Variants in MFHAS1 observed in about 807,000 individuals in gnomAD.
MFHAS1 encodes malignant fibrous histiocytoma-amplified sequence 1.
Under a neutral mutation model 70.4 loss-of-function variants are expected in MFHAS1, and 50 were observed. That is an observed-to-expected ratio of 0.71 (90% CI 0.57 to 0.90). MFHAS1 has a LOEUF of 0.90. MFHAS1 is among the 40% of genes least tolerant of loss of function. MFHAS1 has a pLI of 0.00. For missense variants in MFHAS1, 1,795 were observed against 1,347.6 expected (o/e 1.33, Z -5.20); for synonymous variants, 952 against 620.0 (o/e 1.54, Z -7.96).
At chr8:8,827,918 G>GAAATT (rs1457875899) in intron 1 of MFHAS1, among the ~76,000 whole-genome samples, 5 of 151,664 alleles carry the variant, frequency 3.3e-5, no homozygotes, top group African/African-American at 1.2e-4. Context: ...TTTTTTTTAA[G>GAAATT]AGACTTTCTT....
intron 1 of MFHAS1, among the ~76,000 whole-genome samples, chr8:8,882,352 T>C (rs867345029): frequency 6.6e-6 from 1 of 152,142 alleles, no homozygotes; most frequent in Non-Finnish European, 1.5e-5. Context: ...ATAGTGGCAC[T>C]GCACTCCAGC....
intron 1 of MFHAS1, among the ~76,000 whole-genome samples, chr8:8,809,391 G>C (rs1320842089): frequency 6.6e-6 from 1 of 152,062 alleles, no homozygotes; most frequent in African/African-American, 2.4e-5. Context: ...CCTGCCCTTT[G>C]TTGCTCTACA....
chr8:8,808,786 G>C (rs926317793), intron 1 of MFHAS1, among the ~76,000 whole-genome samples: 1 of 152,152 alleles, frequency 6.6e-6, no homozygotes, highest in African/African-American at 2.4e-5. Context: ...TGGGTTTGGT[G>C]CCATTGGTGG....
rs760634843 is a variant in MFHAS1 at position 8,892,394 on chromosome 8, T to C, written c.665A>G (p.Asp222Gly). 1.2e-5 allele frequency: 20 copies of C among 1,612,518 alleles called. No homozygotes were observed. Among genetic ancestry groups the C allele is most frequent in the Middle Eastern group, 3.3e-4 (2 of 6,084 alleles). ...CTTGAGGGCACGCAGGGCACTGATATCCTCAGGCAGGCCCCGCAGCCGGTT... is the reference window on the plus strand; with the variant it reads ...CTTGAGGGCACGCAGGGCACTGATACCCTCAGGCAGGCCCCGCAGCCGGTT... ...SSNRLRGLPE[D>G]ISALRALKIL... The change falls in exon 1 of 3, where the codon GAT becomes GGT. Residue 222 changes from aspartate (D) to glycine (G), a missense_variant. Physicochemically the swap from Asp to Gly is moderately conservative, Grantham distance 94 (BLOSUM62 -1). Coordinates refer to ENST00000276282, the MANE Select transcript of MFHAS1 (RefSeq NM_004225.3). This position sits in a 1 kb window ranked among gnomAD's most constrained non-coding sequence, Gnocchi z 4.7.
At chr8:8,796,688 C>CA (rs55756300) in intron 2 of MFHAS1, among the ~76,000 whole-genome samples, 7,565 of 24,722 alleles carry the variant, frequency 0.31, 2,140 homozygotes, top group Middle Eastern at 0.43. Context: ...CGTCTCAAAA[C>CA]AAAAAAAAAA....
At position 8,891,768 on chromosome 8, in the gene MFHAS1, C is replaced by T. The variant is rs1473200028; in HGVS notation, c.1291G>A (p.Glu431Lys). ...CCTGGGCATCCCTCCACTCTCTCCTCGGTGAGGCAGTGGCGCAGCAAAGTC... is the reference window on the plus strand; with the variant it reads ...CCTGGGCATCCCTCCACTCTCTCCTTGGTGAGGCAGTGGCGCAGCAAAGTC... ...GKTLLRHCLTEERVEGCPGGG... is the reference protein window; with the variant it reads ...GKTLLRHCLTKERVEGCPGGG... The change falls in exon 1 of 3, where the codon GAG (glutamate) becomes AAG (lysine). Residue 431 changes from glutamate to lysine, a missense_variant. Transcript: ENST00000276282. This position sits in a 1 kb window ranked among gnomAD's most constrained non-coding sequence, Gnocchi z 5.4. 1.2e-6 allele frequency: 2 copies of T among 1,613,250 alleles called. No individual in the cohort carries two copies. Among genetic ancestry groups the T allele is most frequent in the South Asian group, 1.1e-5 (1 of 91,088 alleles).
intron 2 of MFHAS1, among the ~76,000 whole-genome samples, chr8:8,786,629 G>A (rs1232042685): frequency 6.6e-6 from 1 of 151,338 alleles, no homozygotes; most frequent in Non-Finnish European, 1.5e-5. Flanking sequence ...AAAATGGTTA[G>A]AGGAAAAAAT....
chr8:8,807,003 T>C (rs1806314337), intron 1 of MFHAS1, among the ~76,000 whole-genome samples: 1 of 151,786 alleles, frequency 6.6e-6, no homozygotes, highest in Non-Finnish European at 1.5e-5. Flanking sequence ...GAGGCACCAC[T>C]TGAAGCTTCA....
chr8:8,859,891 A>AT (rs1008389656), intron 1 of MFHAS1: 1 of 152,130 alleles, frequency 6.6e-6, no homozygotes, highest in African/African-American at 2.4e-5. Flanking sequence ...GGTCAACTGT[A>AT]TTTTTTACTA....
intron 1 of MFHAS1, among the ~76,000 whole-genome samples, chr8:8,887,859 C>CAAAAAAAAAAAAAAAAAAA (rs11300082): frequency 2.1e-5 from 2 of 95,460 alleles, no homozygotes; most frequent in Non-Finnish European, 4.7e-5. Context: ...GCAAAAAAAA[C>CAAAAAAAAAAAAAAAAAAA]AAAAAAAAAA....
chr8:8,846,539 T>TA (rs1221935775), intron 1 of MFHAS1, among the ~76,000 whole-genome samples: 2 of 152,160 alleles, frequency 1.3e-5, no homozygotes, highest in Non-Finnish European at 2.9e-5. Flanking sequence ...CTAGTTCATT[T>TA]AAAATGTTCT....
intron 1 of MFHAS1, among the ~76,000 whole-genome samples, chr8:8,800,161 A>G (rs1390506016): frequency 6.6e-6 from 1 of 152,188 alleles, no homozygotes; most frequent in African/African-American, 2.4e-5. Flanking sequence ...GAAAAACATT[A>G]ATTTCCTGAC....
chr8:8,815,939 G>A (rs1313516777), intron 1 of MFHAS1, among the ~76,000 whole-genome samples: 1 of 152,214 alleles, frequency 6.6e-6, no homozygotes, highest in East Asian at 1.9e-4. Context: ...TAAACAAATT[G>A]TGGCATATTC....
At chr8:8,798,233 T>C (rs1029816704) in intron 1 of MFHAS1, among the ~76,000 whole-genome samples, 2 of 152,250 alleles carry the variant, frequency 1.3e-5, no homozygotes, top group Non-Finnish European at 2.9e-5. Context: ...CAGGGCACCC[T>C]GCCCTTTCTC....
intron 2 of MFHAS1, among the ~76,000 whole-genome samples, chr8:8,792,130 C>T (rs1033639276): frequency 9.9e-5 from 15 of 151,924 alleles, no homozygotes; most frequent in African/African-American, 1.5e-4. Context: ...CCCAGCTACT[C>T]GGCAGGGATA....
At position 8,870,788 on chromosome 8, in the gene MFHAS1, G is replaced by A. The variant is rs79522825; in HGVS notation, c.2998+19273C>T. Among the ~76,000 whole-genome samples the A allele has an allele frequency of 1.6e-4, 24 of 152,304 alleles. No homozygotes were observed. The East Asian group carries it at 4.6e-3, about 29-fold the overall frequency. ...CTTCCCTGGACTGCAGCTTCCCGGG[G>A]TCAAGGCCTTGCTCCCCTCCCATGC... On this transcript the variant is annotated intron_variant, in intron 1 of 2. Transcript: ENST00000276282.
At chr8:8,857,029 C>A (rs768504579) in intron 1 of MFHAS1, among the ~76,000 whole-genome samples, 62 of 142,796 alleles carry the variant, frequency 4.3e-4, no homozygotes, top group Non-Finnish European at 7.8e-4. Flanking sequence ...ACCGAAAGAG[C>A]CAGGCTGTTC....
intron 1 of MFHAS1, among the ~76,000 whole-genome samples, chr8:8,855,211 C>A (rs1356851567): frequency 6.6e-6 from 1 of 152,240 alleles, no homozygotes; most frequent in Non-Finnish European, 1.5e-5. Context: ...CCTCGGCCTC[C>A]CAAAGTGCTG....
chr8:8,820,798 A>C (rs923768308), intron 1 of MFHAS1, among the ~76,000 whole-genome samples: 1 of 152,210 alleles, frequency 6.6e-6, no homozygotes, highest in Non-Finnish European at 1.5e-5. Context: ...GGTGGCCTTG[A>C]CCAAGTGCGA....
Sources: allele counts gnomAD v4.1 joint callset (sites outside exome capture counted in the v4.1 genomes callset), GRCh38; gene constraint gnomAD v4.1.1; non-coding constraint Gnocchi (gnomAD v3.1); transcripts MANE v1.5; gene names NCBI Gene and HGNC (gene_info 2026-07-23, HGNC 2026-07-21).